The following DDAH1 variants were observed in gnomAD, a reference collection of about 807,000 sequenced individuals.
The protein encoded by DDAH1 is N(G),N(G)-dimethylarginine dimethylaminohydrolase 1.
In DDAH1, 19 loss-of-function variants were observed where a neutral mutation model predicts 28.8. The observed-to-expected ratio is 0.66, with a 90% confidence interval of 0.46 to 0.97. The LOEUF (loss-of-function observed/expected upper bound fraction) is 0.97, where lower values mean the gene tolerates loss of function less well. Among genes scored for constraint, DDAH1 ranks in the 50% least tolerant of loss-of-function variants. The probability of loss-of-function intolerance (pLI) is 0.00; values close to 1 mark genes in which losing one functional copy is unlikely to be tolerated. For missense variants in DDAH1, 326 were observed against 375.9 expected (o/e 0.87, Z 1.10); for synonymous variants, 153 against 154.4 (o/e 0.99, Z 0.07).
intron 1 of DDAH1, among the ~76,000 whole-genome samples, chr1:85,423,480 G>A (rs938169551): frequency 6.6e-6 from 1 of 151,950 alleles, no homozygotes; most frequent in Non-Finnish European, 1.5e-5. Flanking sequence ...TTATATGTAG[G>A]CATTTTTCCT....
intron 4 of DDAH1, among the ~76,000 whole-genome samples, chr1:85,347,518 A>C (rs1207441812): frequency 1.3e-5 from 2 of 152,164 alleles, no homozygotes; most frequent in Non-Finnish European, 2.9e-5. Context: ...TCACAAGAGC[A>C]AAAAACCAAA....
chr1:85,427,271 T>TAAA (rs58534051), intron 1 of DDAH1, among the ~76,000 whole-genome samples: 34 of 142,172 alleles, frequency 2.4e-4, no homozygotes, highest in African/African-American at 8.3e-4. Flanking sequence ...CCAAGTGAGC[T>TAAA]AAAAAAAAAA....
chr1:85,464,766 C>G lies in DDAH1; in HGVS notation c.280G>C (p.Gly94Arg), dbSNP rs1235490606. 5 of 1,559,346 alleles carry G rather than the reference C, an allele frequency of 3.2e-6. No individual in the cohort carries two copies. Among genetic ancestry groups the G allele is most frequent in the Non-Finnish European group, 4.3e-6 (5 of 1,157,728 alleles). ...ACCTCCTTCCTCCGGCTCGGCGCCC[C>G]GGGTCGGGTGATGAGGGCCGTCTCC... ...CEETALITRP[G>R]APSRRKEVDM... The change falls in exon 1 of 6, where the codon GGG becomes CGG. Residue 94 changes from glycine (G) to arginine (R), a missense_variant. Physicochemically the swap from Gly to Arg is moderately radical, Grantham distance 125. Transcript: ENST00000284031. The surrounding 1 kb of genome is among the most constrained non-coding windows in gnomAD (Gnocchi z 4.4).
chr1:85,491,665 T>C (rs1656408231), intron 2 of DDAH1, among the ~76,000 whole-genome samples: 1 of 152,218 alleles, frequency 6.6e-6, no homozygotes, highest in South Asian at 2.1e-4. Context: ...TTTTGTGTGA[T>C]CAAGTTGGAA....
At chr1:85,565,717 C>A (rs1659277452) in intron 1 of DDAH1, among the ~76,000 whole-genome samples, 1 of 152,158 alleles carries the variant, frequency 6.6e-6, no homozygotes, top group Non-Finnish European at 1.5e-5. Context: ...ATAAGGAGCA[C>A]CAGAAATGGT....
intron 2 of DDAH1, among the ~76,000 whole-genome samples, chr1:85,481,166 C>A (rs1656003593): frequency 7.3e-6 from 1 of 137,928 alleles, no homozygotes; most frequent in South Asian, 2.2e-4. Flanking sequence ...GGTGCAATCT[C>A]AGCTCACTGC....
In DDAH1 at chr1:85,380,130, A is replaced by T. The variant is rs550348961; in HGVS notation, c.304-21283T>A. On this transcript the variant is annotated intron_variant, in intron 1 of 5. Transcript: ENST00000284031. Reference sequence around the variant, plus strand: ...AATCTTCTCCTTGAAGCCTTATACAATTTTGTGAAGTTGGTATTATTCTTC... The same window carrying T: ...AATCTTCTCCTTGAAGCCTTATACATTTTTGTGAAGTTGGTATTATTCTTC... Among the ~76,000 whole-genome samples the T allele has an allele frequency of 5.3e-5, 8 of 152,208 alleles. No individual in the cohort carries two copies. The South Asian group carries it at 1.7e-3, about 32-fold the overall frequency.
At chr1:85,563,588 A>G (rs1331056803) in intron 1 of DDAH1, among the ~76,000 whole-genome samples, 2 of 152,236 alleles carry the variant, frequency 1.3e-5, no homozygotes, top group Non-Finnish European at 2.9e-5. Context: ...ATTTTAAGGA[A>G]TATAATATCT....
chr1:85,404,495 C>T (rs1652311031), intron 1 of DDAH1: 1 of 1,506,182 alleles, frequency 6.6e-7, no homozygotes. Context: ...GAAGAACAGT[C>T]TGACCCGGAT....
intron 1 of DDAH1, among the ~76,000 whole-genome samples, chr1:85,393,002 A>G (rs1318981812): frequency 6.6e-6 from 1 of 152,124 alleles, no homozygotes; most frequent in Admixed American, 6.5e-5. Context: ...GGACACTCTA[A>G]GCATCTGACA....
intron 1 of DDAH1, among the ~76,000 whole-genome samples, chr1:85,413,451 C>G (rs1434019954): frequency 6.6e-6 from 1 of 152,230 alleles, no homozygotes; most frequent in East Asian, 1.9e-4. Flanking sequence ...CATCTGGAAT[C>G]AAGTATTTTG....
rs1225793362 is a variant in DDAH1, at chr1:85,479,555, C to T, written c.-7+16611G>A. Among the ~76,000 whole-genome samples, 8 of 152,292 alleles carry T rather than the reference C, an allele frequency of 5.3e-5. No homozygotes were observed. In the East Asian group the frequency reaches 1.3e-3, roughly 26 times the overall value. Reference sequence around the variant, plus strand: ...AATCAGGCACTAATATTACCACAATCGGGGTTTTCACCACTAATTGCTTAT... The same window carrying T: ...AATCAGGCACTAATATTACCACAATTGGGGTTTTCACCACTAATTGCTTAT... On this transcript the variant is annotated intron_variant, in intron 2 of 6. Coordinates refer to the DDAH1 transcript ENST00000426972.
chr1:85,394,239 C>T (rs1651698176), intron 1 of DDAH1, among the ~76,000 whole-genome samples: 1 of 152,146 alleles, frequency 6.6e-6, no homozygotes, highest in Admixed American at 6.5e-5. Flanking sequence ...GTTAATTCCA[C>T]AAGACTGGAT....
intron 1 of DDAH1, among the ~76,000 whole-genome samples, chr1:85,564,665 C>T (rs886334716): frequency 2.0e-5 from 3 of 151,414 alleles, no homozygotes; most frequent in Admixed American, 2.0e-4. Flanking sequence ...GTTAGGAGTT[C>T]GAAACCAGCC....
intron 1 of DDAH1, among the ~76,000 whole-genome samples, chr1:85,537,098 T>A (rs1483415577): frequency 2.0e-5 from 3 of 151,496 alleles, no homozygotes; most frequent in African/African-American, 4.8e-5. Context: ...CTCAACACTT[T>A]GGGAGGCTGA....
intron 1 of DDAH1, among the ~76,000 whole-genome samples, chr1:85,387,014 T>C (rs1044230614): frequency 1.2e-4 from 18 of 152,212 alleles, no homozygotes; most frequent in African/African-American, 4.1e-4. Context: ...TATAGGGCAG[T>C]GGTGCCCTGG....
chr1:85,520,195 A>G (rs1557718921), intron 1 of DDAH1, among the ~76,000 whole-genome samples: 1 of 152,168 alleles, frequency 6.6e-6, no homozygotes, highest in Non-Finnish European at 1.5e-5. Context: ...ATAAAAATAA[A>G]ATATCTGAAA....
chr1:85,493,707 G>A (rs987961758), intron 2 of DDAH1: 5 of 152,190 alleles, frequency 3.3e-5, no homozygotes, highest in African/African-American at 1.2e-4. Flanking sequence ...ATTTAGTTAA[G>A]CATGTGCCTG....
At chr1:85,439,033 C>T (rs1402400949) in intron 1 of DDAH1, among the ~76,000 whole-genome samples, 1 of 152,192 alleles carries the variant, frequency 6.6e-6, no homozygotes, top group Non-Finnish European at 1.5e-5. Flanking sequence ...CCAACTAGCT[C>T]ATTTGAAAAC....
Sources: gnomAD v4.1 joint callset for allele counts (sites outside exome capture counted in the v4.1 genomes callset) on GRCh38, gnomAD v4.1.1 for gene constraint, Gnocchi (gnomAD v3.1) non-coding constraint, MANE v1.5 for transcripts, NCBI Gene and HGNC (gene_info 2026-07-23, HGNC 2026-07-21) for gene names.